Variants in ERO1B observed in about 807,000 individuals in gnomAD.
ERO1B encodes the protein endoplasmic reticulum oxidoreductase 1 beta, also known as ERO1-like protein beta.
Under a neutral mutation model 75.3 loss-of-function variants are expected in ERO1B, and 49 were observed. The observed-to-expected ratio is 0.65, with a 90% CI of 0.52 to 0.83. The LOEUF is 0.83. Ranked by LOEUF, ERO1B falls within the 40% of genes least tolerant of loss-of-function variation. ERO1B has a pLI of 0.00. For missense variants in ERO1B, 512 were observed against 560.1 expected, an observed-to-expected ratio of 0.91 and a Z score of 0.87; for synonymous variants, 191 against 192.9, an observed-to-expected ratio of 0.99 and a Z score of 0.08.
intron 7 of ERO1B, 136 bp downstream of exon 7, chr1:236,236,142 G>T (rs1254194): frequency 0.53 from 580,258 of 1,094,342 alleles, 164,866 homozygotes; most frequent in Non-Finnish European, 0.59. Context: ...GGCCAGGCTG[G>T]TCTTGAACTC....
Position 236,281,771 on chromosome 1 carries a change from C to G in ERO1B, c.13G>C (p.Val5Leu). MSQGVRRAGAGQGVA... is the reference protein window; with the variant it reads MSQGLRRAGAGQGVA... ...CCCTGCCCAGCGCCTGCCCGGCGGACCCCTTGGCTCATGCTGACCTCTACC... is the reference window on the plus strand; with the variant it reads ...CCCTGCCCAGCGCCTGCCCGGCGGAGCCCTTGGCTCATGCTGACCTCTACC... The change falls in exon 1 of 16, where the codon GTC (valine) becomes CTC (leucine). Residue 5 changes from valine (V) to leucine (L), a missense_variant. Coordinates refer to ENST00000354619, the MANE Select transcript of ERO1B (RefSeq NM_019891.4). 6.6e-7 allele frequency: 1 copy of G among 1,511,544 alleles called. No homozygotes were observed. The highest frequency in any genetic ancestry group is 8.8e-7 in the Non-Finnish European group (1 of 1,132,604). 93.6% of individuals were successfully genotyped at this position (1,511,544 alleles called of 1,614,324 possible). A position where few individuals can be genotyped will look rare whatever the true frequency, so the allele number is the denominator to read the frequency against.
chr1:236,272,767 T>C (rs1665625266), intron 1 of ERO1B, among the ~76,000 whole-genome samples: 1 of 152,250 alleles, frequency 6.6e-6, no homozygotes, highest in Admixed American at 6.5e-5. Flanking sequence ...TTTCTGGTAA[T>C]GCATCCCTAA....
intron 14 of ERO1B, 27 bp from the exon 15 acceptor site, chr1:236,220,992 A>G: frequency 1.4e-6 from 2 of 1,446,616 alleles, no homozygotes; most frequent in Non-Finnish European, 1.8e-6. Flanking sequence ...TAAACTCATA[A>G]TTAACTTTAA....
intron 13 of ERO1B, among the ~76,000 whole-genome samples, chr1:236,223,962 G>T (rs1041244337): frequency 5.3e-5 from 8 of 152,058 alleles, no homozygotes; most frequent in African/African-American, 1.7e-4. Flanking sequence ...TTGATTTATT[G>T]GTTCCTATAG....
chr1:236,281,745 C>T lies in ERO1B; in HGVS notation c.39G>A (p.Gly13=). The T allele has an allele frequency of 1.3e-6, 2 of 1,516,406 alleles. No individual in the cohort carries two copies. Among genetic ancestry groups the T allele is most frequent in the Non-Finnish European group, 1.8e-6 (2 of 1,135,540 alleles). The allele number at this position is 1,516,406 out of a possible 1,614,324, so 93.9% of individuals were successfully genotyped here. Residue 13 remains glycine (G), a synonymous_variant, in exon 1 of 16, where the codon GGG becomes GGA. Transcript: ENST00000354619. ...CCAGCAGCTGCACCGCGGCCGCTAC[C>T]CCCTGCCCAGCGCCTGCCCGGCGGA... The part of the protein sequence containing the change: ...QGVRRAGAGQ[G]VAAAVQLLVT...
chr1:236,218,609 C>T, intron 15 of ERO1B, 33 bp from the exon 16 acceptor site: 1 of 1,307,706 alleles, frequency 7.6e-7, no homozygotes, highest in Non-Finnish European at 1.0e-6. Context: ...ATTAGTAAGG[C>T]TAACATGTTG....
intron 2 of ERO1B, among the ~76,000 whole-genome samples, chr1:236,257,350 T>C (rs1665182531): frequency 1.3e-5 from 2 of 152,110 alleles, no homozygotes; most frequent in African/African-American, 4.8e-5. Flanking sequence ...ATACTCACCA[T>C]CTGAGTAAAC....
At chr1:236,270,099 C>T in intron 1 of ERO1B, 105 bp from the exon 2 acceptor site, 1 of 807,506 alleles carries the variant, frequency 1.2e-6, no homozygotes, top group Non-Finnish European at 1.9e-6. Flanking sequence ...TTAGCCGGTA[C>T]TTGCTGATTA....
chr1:236,257,718 T>C (rs12039304), intron 2 of ERO1B, among the ~76,000 whole-genome samples: 7,625 of 149,856 alleles, frequency 0.051, 553 homozygotes, highest in East Asian at 0.39. Context: ...AACAAAGAGG[T>C]AGAAAATATT....
chr1:236,263,738 C>T (rs2102962574), intron 2 of ERO1B, among the ~76,000 whole-genome samples: 1 of 127,062 alleles, frequency 7.9e-6, no homozygotes, highest in Middle Eastern at 5.0e-3. Context: ...TATATCTTAT[C>T]TGTTTTATCG....
chr1:236,262,323 A>G (rs1360610067), intron 2 of ERO1B, among the ~76,000 whole-genome samples: 5 of 152,146 alleles, frequency 3.3e-5, no homozygotes, highest in African/African-American at 1.2e-4. Context: ...ACCTCATACA[A>G]AAATGCTCTT....
At chr1:236,276,955 C>G (rs1749554) in intron 1 of ERO1B, among the ~76,000 whole-genome samples, 1 of 151,958 alleles carries the variant, frequency 6.6e-6, no homozygotes, top group Non-Finnish European at 1.5e-5. Context: ...TGATAGTGAG[C>G]TCTCATGAGA....
rs77003127 is a variant in ERO1B at position 236,241,197 on chromosome 1, G to T, written c.505+2225C>A. ...TTTTTGTTTTAATCCACTGAATTTG[G>T]GAAACAGCAATAACTAAACAATGAT... On this transcript the variant is annotated intron_variant, in intron 6 of 15. Transcript: ENST00000354619. Among the ~76,000 whole-genome samples, 958 of 152,106 alleles carry T rather than the reference G, an allele frequency of 6.3e-3. 10 individuals are homozygous for T. The highest frequency in any genetic ancestry group is 0.022 in the African/African-American group (918 of 41,494).
At chr1:236,237,508 C>A (rs1180818439) in intron 6 of ERO1B, among the ~76,000 whole-genome samples, 2 of 152,120 alleles carry the variant, frequency 1.3e-5, no homozygotes, top group Non-Finnish European at 2.9e-5. Context: ...AAATGGGAAA[C>A]GTGCTTTTCA....
At chr1:236,276,190 T>C (rs925407708) in intron 1 of ERO1B, among the ~76,000 whole-genome samples, 1 of 152,174 alleles carries the variant, frequency 6.6e-6, no homozygotes, top group Non-Finnish European at 1.5e-5. Context: ...AGAAATGTGG[T>C]TTCTATATCA....
At chr1:236,271,503 C>T (rs1665586735) in intron 1 of ERO1B, among the ~76,000 whole-genome samples, 1 of 152,154 alleles carries the variant, frequency 6.6e-6, no homozygotes, top group African/African-American at 2.4e-5. Context: ...CCATTGCTCT[C>T]ACTTACTACT....
Position 236,224,279 on chromosome 1 carries a change from C to T in ERO1B, c.1122+791G>A, listed in dbSNP as rs12031916. Reference sequence around the variant, plus strand: ...AAATGTTTCAGTTTTTGAAACTACCCGGATTTCAGAAGTACATATAAAAGA... The same window carrying T: ...AAATGTTTCAGTTTTTGAAACTACCTGGATTTCAGAAGTACATATAAAAGA... On this transcript the variant is annotated intron_variant, in intron 13 of 15. Transcript: ENST00000354619. Among the ~76,000 whole-genome samples the T allele has an allele frequency of 1.7e-3, 258 of 151,952 alleles. 6 individuals are homozygous for T. In the South Asian group the frequency reaches 0.038, roughly 22 times the overall value.
intron 1 of ERO1B, among the ~76,000 whole-genome samples, chr1:236,279,605 G>C (rs1474740961): frequency 6.6e-6 from 1 of 151,240 alleles, no homozygotes; most frequent in Non-Finnish European, 1.5e-5. Flanking sequence ...GAGGCAGGCG[G>C]ATCACCTTAG....
intron 6 of ERO1B, among the ~76,000 whole-genome samples, chr1:236,239,911 A>T (rs71532021): frequency 0.65 from 69,083 of 105,656 alleles, 23,117 homozygotes; most frequent in East Asian, 0.77. Flanking sequence ...ATATATATAT[A>T]TTTTTTTTTT....
Sources: gnomAD v4.1 joint callset for allele counts (sites outside exome capture counted in the v4.1 genomes callset) on GRCh38, gnomAD v4.1.1 for gene constraint, MANE v1.5 for transcripts, NCBI Gene and HGNC (gene_info 2026-07-23, HGNC 2026-07-21) for gene names.